ANK2: variants seen among roughly 807,000 people sequenced by gnomAD.
The protein encoded by ANK2 is ankyrin-2.
ANK2 carries 83 observed loss-of-function variants against 360.5 expected under a neutral mutation model. The ratio of observed to expected loss-of-function variants is 0.23; its 90% CI spans 0.19 to 0.28. ANK2 has a LOEUF of 0.28. ANK2 is among the 10% of genes least tolerant of loss of function. The pLI, the probability that ANK2 is intolerant of heterozygous loss-of-function variation, is 1.00. For synonymous variants in ANK2, 1,740 were observed against 1,759.5 expected, an observed-to-expected ratio of 0.99 and a Z score of 0.28; for missense variants, 4,201 against 4,795.7, an observed-to-expected ratio of 0.88 and a Z score of 3.66.
chr4:113,161,192 T>C (rs781340214), intron 1 of ANK2, among the ~76,000 whole-genome samples: 1 of 152,218 alleles, frequency 6.6e-6, no homozygotes, highest in Non-Finnish European at 1.5e-5. Context: ...CCAGTACTCT[T>C]ACACCAACAA....
At chr4:113,225,611 T>A (rs903228296) in intron 4 of ANK2, among the ~76,000 whole-genome samples, 12 of 152,192 alleles carry the variant, frequency 7.9e-5, no homozygotes, top group Admixed American at 7.2e-4. Context: ...GTTGAAGTTC[T>A]TATCCAAAAC....
chr4:112,937,526 C>G (rs2154243393), intron 2 of ANK2, among the ~76,000 whole-genome samples: 1 of 152,020 alleles, frequency 6.6e-6, no homozygotes, highest in East Asian at 1.9e-4. Flanking sequence ...CTGGGTTTCG[C>G]CATGTTGGCC....
At chr4:113,336,548 A>G (rs1251704099) in intron 30 of ANK2, 29 bp from the exon 31 acceptor site, 3 of 1,560,496 alleles carry the variant, frequency 1.9e-6, no homozygotes, top group African/African-American at 1.4e-5. Flanking sequence ...ATACACAAAT[A>G]TATATGTGTG....
intron 1 of ANK2, among the ~76,000 whole-genome samples, chr4:112,875,285 T>A (rs2074685687): frequency 6.6e-6 from 1 of 152,102 alleles, no homozygotes. Context: ...TCCCAAAATG[T>A]TGGCTTATAG....
rs377608802 is a variant in ANK2 at position 113,348,264 on chromosome 4, T to C, written c.4372-12T>C. 83 of 1,613,250 alleles carry C rather than the reference T, an allele frequency of 5.1e-5. No individual in the cohort carries two copies. Among genetic ancestry groups the C allele is most frequent in the South Asian group, 3.8e-4 (35 of 91,052 alleles). On this transcript the variant is annotated splice_polypyrimidine_tract_variant and intron_variant, in intron 35 of 45. Transcript: ENST00000357077. ...CTTTTTTCCATCTTGCATGGCATCT[T>C]GGGGCGGAAAGGAATCAGAGTCAGA...
rs1216221776 is a variant in ANK2, at chr4:113,108,437, T to C, written c.84+58625T>C. Among the ~76,000 whole-genome samples, 3 of 152,174 alleles carry C rather than the reference T, an allele frequency of 2.0e-5. No homozygotes were observed. The East Asian group carries it at 5.8e-4, about 29-fold the overall frequency. On this transcript the variant is annotated intron_variant, in intron 1 of 45. Coordinates refer to ENST00000357077, the MANE Select transcript of ANK2 (RefSeq NM_001148.6). ...TCTAAGATTTATTTAAATTATGTAA[T>C]TGCAATAGCAACTACAATAGGATCA...
the ANK2 span, chr4:112,788,138 C>A: frequency 1.6e-5 from 25 of 1,582,010 alleles, no homozygotes; most frequent in Non-Finnish European, 1.8e-5. Context: ...CTTGGCAATG[C>A]GAGCCACAGA....
In ANK2 at chr4:113,287,719, C is replaced by T. The variant is rs771805306; in HGVS notation, c.2178+16C>T. 1.3e-6 allele frequency: 2 copies of T among 1,586,340 alleles called. No individual in the cohort carries two copies. Among genetic ancestry groups the T allele is most frequent in the East Asian group, 4.5e-5 (2 of 44,650 alleles). On this transcript the variant is annotated intron_variant, in intron 19 of 45. Transcript: ENST00000357077. Reference sequence around the variant, plus strand: ...TCATACAAAGGTAAAGCAAATCACTCTCAGTATTGTGACAGGTTCTGGCTG... The same window carrying T: ...TCATACAAAGGTAAAGCAAATCACTTTCAGTATTGTGACAGGTTCTGGCTG...
chr4:113,342,510 G>A (rs535699784), intron 33 of ANK2, among the ~76,000 whole-genome samples: 9 of 152,192 alleles, frequency 5.9e-5, no homozygotes, highest in African/African-American at 2.2e-4. Flanking sequence ...AGACCAACCT[G>A]GCCAACATGG....
the ANK2 span, among the ~76,000 whole-genome samples, chr4:112,800,448 T>G: frequency 7.9e-5 from 12 of 152,172 alleles, no homozygotes; most frequent in African/African-American, 2.9e-4. Context: ...GGAATTTACT[T>G]CATATGATTC....
In ANK2 at chr4:112,941,260, A is replaced by G. The variant is rs981236096; in HGVS notation, c.21+36746A>G. 2.0e-5 allele frequency among the ~76,000 whole-genome samples: 3 copies of G among 149,094 alleles called. No individual in the cohort carries two copies. The East Asian group carries it at 5.9e-4, about 29-fold the overall frequency. ...AGATTTATATATCTTTTCATAAAAG[A>G]TACAGAAAAGATATATAGGTATATA... On this transcript the variant is annotated intron_variant, in intron 2 of 30. Coordinates refer to the ANK2 transcript ENST00000503271.
At chr4:112,709,766 G>C in the ANK2 span, among the ~76,000 whole-genome samples, 2 of 152,206 alleles carry the variant, frequency 1.3e-5, no homozygotes, top group African/African-American at 4.8e-5. Context: ...AAAAAGAAAA[G>C]ATATGGTGAT....
chr4:112,990,501 C>T (rs1052637777), intron 2 of ANK2, among the ~76,000 whole-genome samples: 1 of 151,392 alleles, frequency 6.6e-6, no homozygotes, highest in Non-Finnish European at 1.5e-5. Flanking sequence ...TTTTTTATAC[C>T]TGTCTTGGTG....
chr4:113,372,947 T>C (rs754659326), intron 43 of ANK2, 143 bp from the exon 44 acceptor site: 117 of 832,248 alleles, frequency 1.4e-4, no homozygotes, highest in Middle Eastern at 1.2e-3. Flanking sequence ...AGTTTTTCAC[T>C]AGTTGACAGG....
At chr4:113,248,884 C>T (rs1030052579) in intron 9 of ANK2, among the ~76,000 whole-genome samples, 17 of 152,248 alleles carry the variant, frequency 1.1e-4, no homozygotes, top group African/African-American at 4.1e-4. Context: ...AATTTAAGCA[C>T]TCAGTATTTC....
At chr4:113,197,300 G>A (rs1033566793) in intron 3 of ANK2, among the ~76,000 whole-genome samples, 5 of 152,164 alleles carry the variant, frequency 3.3e-5, no homozygotes, top group African/African-American at 4.8e-5. Flanking sequence ...TGCACGGGAC[G>A]CTTGGCAAAC....
intron 26 of ANK2, among the ~76,000 whole-genome samples, chr4:113,327,724 C>T (rs1307809678): frequency 5.9e-5 from 9 of 152,158 alleles, no homozygotes; most frequent in African/African-American, 1.7e-4. Flanking sequence ...CAAGTAATGA[C>T]GAAACCATCA....
intron 1 of ANK2, among the ~76,000 whole-genome samples, chr4:113,108,742 GA>G (rs201965241): frequency 1.7e-4 from 25 of 150,824 alleles, no homozygotes; most frequent in African/African-American, 4.1e-4. Flanking sequence ...ACTTGAAACA[GA>G]AAAAAAAACT....
chr4:113,184,422 A>G (rs1231020913), intron 2 of ANK2, among the ~76,000 whole-genome samples: 1 of 151,954 alleles, frequency 6.6e-6, no homozygotes, highest in African/African-American at 2.4e-5. Context: ...AGTGGAGGGA[A>G]TCTCTCCAGG....
Sources: gnomAD v4.1 joint callset for allele counts (sites outside exome capture counted in the v4.1 genomes callset) on GRCh38, gnomAD v4.1.1 for gene constraint, MANE v1.5 for transcripts, NCBI Gene and HGNC (gene_info 2026-07-23, HGNC 2026-07-21) for gene names.